Variants in NCKAP5 observed in about 807,000 individuals in gnomAD.
The protein encoded by NCKAP5 is NCK associated protein 5, also known as nck-associated protein 5.
In NCKAP5, 92 loss-of-function variants were observed where a neutral mutation model predicts 167.0. The observed-to-expected ratio is 0.55, with a 90% confidence interval of 0.47 to 0.66. The LOEUF is 0.66. Ranked by LOEUF, NCKAP5 falls within the 30% of genes least tolerant of loss-of-function variation. The pLI is 0.00. For missense variants in NCKAP5, 2,378 were observed against 2,315.0 expected (o/e 1.03, Z -0.56); for synonymous variants, 891 against 877.4 (o/e 1.02, Z -0.27).
chr2:133,561,307 G>A (rs9287429), intron 1 of NCKAP5, among the ~76,000 whole-genome samples: 131,414 of 152,226 alleles, frequency 0.86, 57,182 homozygotes, highest in East Asian at 1. Flanking sequence ...TATTTTAAGT[G>A]AACTGTTTTA....
the NCKAP5 span, among the ~76,000 whole-genome samples, chr2:133,608,628 C>T: frequency 6.6e-6 from 1 of 152,168 alleles, no homozygotes; most frequent in East Asian, 1.9e-4. Flanking sequence ...ATAGAGATAA[C>T]AATCCAAACC....
At chr2:132,731,694 T>C in intron 17 of NCKAP5, 43 bp downstream of exon 17, 2 of 1,516,734 alleles carry the variant, frequency 1.3e-6, no homozygotes, top group Non-Finnish European at 1.8e-6. Flanking sequence ...CCCTTTTTTT[T>C]GTCAGCAAAT....
At chr2:133,242,491 T>C (rs979109268) in intron 4 of NCKAP5, among the ~76,000 whole-genome samples, 4 of 152,210 alleles carry the variant, frequency 2.6e-5, no homozygotes, top group Non-Finnish European at 5.9e-5. Flanking sequence ...GTCTTGAAGC[T>C]ACATTTGCAG....
chr2:133,017,912 G>A lies in NCKAP5; in HGVS notation c.342-23673C>T, dbSNP rs534462107. Among the ~76,000 whole-genome samples, 3 of 152,236 alleles carry A rather than the reference G, an allele frequency of 2.0e-5. No homozygotes were observed. In the East Asian group the frequency reaches 5.8e-4, roughly 29 times the overall value. Reference sequence around the variant, plus strand: ...GGGGTTATACAAGATGGTAAAAAACGAAAGAGCAGCAAATCACAGCTCTTA... The same window carrying A: ...GGGGTTATACAAGATGGTAAAAAACAAAAGAGCAGCAAATCACAGCTCTTA... On this transcript the variant is annotated intron_variant, in intron 6 of 19. Transcript: ENST00000409261.
At chr2:133,378,936 T>C (rs1305501537) in intron 3 of NCKAP5, among the ~76,000 whole-genome samples, 2 of 152,200 alleles carry the variant, frequency 1.3e-5, no homozygotes, top group Admixed American at 1.3e-4. Flanking sequence ...TTGTTTCTAA[T>C]TATTTCAATA....
chr2:133,365,985 A>T (rs1685433222), intron 3 of NCKAP5, among the ~76,000 whole-genome samples: 2 of 152,222 alleles, frequency 1.3e-5, no homozygotes, highest in African/African-American at 4.8e-5. Context: ...CTTATTCAAC[A>T]ATATGCTCTT....
intron 3 of NCKAP5, among the ~76,000 whole-genome samples, chr2:133,426,827 C>T (rs1264295987): frequency 6.6e-6 from 1 of 152,172 alleles, no homozygotes; most frequent in Non-Finnish European, 1.5e-5. Flanking sequence ...GAACTCTGTA[C>T]TATCTTTCCA....
intron 3 of NCKAP5, among the ~76,000 whole-genome samples, chr2:133,409,729 C>T (rs2151053145): frequency 6.6e-6 from 1 of 152,260 alleles, no homozygotes; most frequent in Middle Eastern, 3.4e-3. Flanking sequence ...CTACATTGTT[C>T]ATCAGATTTC....
intron 6 of NCKAP5, among the ~76,000 whole-genome samples, chr2:133,038,659 G>A (rs559615937): frequency 1.6e-4 from 24 of 152,084 alleles, no homozygotes; most frequent in Middle Eastern, 3.4e-3. Flanking sequence ...AAATGCTTCA[G>A]GAAATAGATA....
chr2:132,876,371 T>G (rs1257826667), intron 9 of NCKAP5, among the ~76,000 whole-genome samples: 1 of 152,220 alleles, frequency 6.6e-6, no homozygotes, highest in East Asian at 1.9e-4. Context: ...GTGGTAGGAT[T>G]ATAGATATAA....
intron 8 of NCKAP5, among the ~76,000 whole-genome samples, chr2:132,932,769 C>A (rs1369021284): frequency 6.6e-6 from 1 of 152,116 alleles, no homozygotes; most frequent in African/African-American, 2.4e-5. Flanking sequence ...CAAGGTCATG[C>A]AACCATCCCT....
intron 7 of NCKAP5, among the ~76,000 whole-genome samples, chr2:132,969,519 G>T (rs185446090): frequency 6.6e-6 from 1 of 152,224 alleles, no homozygotes; most frequent in Non-Finnish European, 1.5e-5. Context: ...TGACCCCAGG[G>T]TGAGAGAGCT....
intron 4 of NCKAP5, among the ~76,000 whole-genome samples, chr2:133,276,486 A>G (rs1262895787): frequency 6.6e-6 from 1 of 152,062 alleles, no homozygotes; most frequent in Non-Finnish European, 1.5e-5. Flanking sequence ...ACATGGACAA[A>G]ATTGAAACTT....
intron 3 of NCKAP5, among the ~76,000 whole-genome samples, chr2:133,306,785 G>C (rs544336730): frequency 6.6e-6 from 1 of 152,270 alleles, no homozygotes; most frequent in African/African-American, 2.4e-5. Context: ...GCACTGAATC[G>C]TTCATACAGA....
At chr2:133,520,605 A>T (rs1684393965) in intron 2 of NCKAP5, among the ~76,000 whole-genome samples, 1 of 152,190 alleles carries the variant, frequency 6.6e-6, no homozygotes, top group Admixed American at 6.5e-5. Flanking sequence ...GATTAAACTC[A>T]TTAAAAGCAA....
intron 6 of NCKAP5, among the ~76,000 whole-genome samples, chr2:133,099,771 C>T (rs1198115533): frequency 6.6e-6 from 1 of 152,194 alleles, no homozygotes; most frequent in African/African-American, 2.4e-5. Context: ...TATTGTTACC[C>T]CATCCTCTTT....
At chr2:133,462,041 T>C (rs1692231979) in intron 3 of NCKAP5, among the ~76,000 whole-genome samples, 2 of 152,230 alleles carry the variant, frequency 1.3e-5, no homozygotes, top group African/African-American at 2.4e-5. Flanking sequence ...TTTGCAGGAA[T>C]GTTTTGAAGT....
At chr2:133,576,570 G>A in the NCKAP5 span, among the ~76,000 whole-genome samples, 1 of 152,234 alleles carries the variant, frequency 6.6e-6, no homozygotes, top group East Asian at 1.9e-4. Flanking sequence ...AATGCCTATA[G>A]AACATTCTGT....
At chr2:133,598,971 A>G in the NCKAP5 span, among the ~76,000 whole-genome samples, 1 of 152,076 alleles carries the variant, frequency 6.6e-6, no homozygotes, top group Non-Finnish European at 1.5e-5. Context: ...CATCGTGCCA[A>G]TTTCTGCCTC....
Sources: allele counts gnomAD v4.1 joint callset (sites outside exome capture counted in the v4.1 genomes callset), GRCh38; gene constraint gnomAD v4.1.1; transcripts MANE v1.5; gene names NCBI Gene and HGNC (gene_info 2026-07-23, HGNC 2026-07-21).